INTS10: variants seen among roughly 807,000 people sequenced by gnomAD.
The protein encoded by INTS10 is integrator complex subunit 10, also known as chromosome 8 open reading frame 35.
INTS10 carries 44 observed loss-of-function variants against 94.4 expected under a neutral mutation model. That is an observed-to-expected ratio of 0.47 (90% CI 0.37 to 0.60). The LOEUF is 0.60. Among genes scored for constraint, INTS10 ranks in the 20% least tolerant of loss-of-function variants. The pLI is 0.00. For missense variants in INTS10, 797 were observed against 868.7 expected (o/e 0.92, Z 1.04); for synonymous variants, 341 against 320.7 (o/e 1.06, Z -0.68).
At position 19,817,712 on chromosome 8, in the gene INTS10, G is replaced by A; in HGVS notation, c.129+46G>A. 4 of 1,571,134 alleles carry A rather than the reference G, an allele frequency of 2.5e-6. No individual in the cohort carries two copies. The South Asian group carries it at 4.6e-5, about 18-fold the overall frequency. On this transcript the variant is annotated intron_variant, in intron 1 of 16. Coordinates refer to ENST00000397977, the MANE Select transcript of INTS10 (RefSeq NM_018142.4). ...GCGGCCGCTCTGCGTGGAGGTGCGC[G>A]CTCCCGTCGCCCGGGCTGCCCTGGC...
Position 19,831,970 on chromosome 8 carries a change from T to G in INTS10, c.1295-58T>G, listed in dbSNP as rs997157060. Reference sequence around the variant, plus strand: ...TTCTCTCTTACTGGATTTGTTAGTTTGTTTTCTGCTTCTTTGCTGCATATA... The same window carrying G: ...TTCTCTCTTACTGGATTTGTTAGTTGGTTTTCTGCTTCTTTGCTGCATATA... On this transcript the variant is annotated intron_variant, in intron 10 of 16. Transcript: ENST00000397977. 5.1e-6 allele frequency: 5 copies of G among 984,742 alleles called. No individual in the cohort carries two copies. In the African/African-American group the frequency reaches 6.4e-5, roughly 13 times the overall value. 61.0% of individuals were successfully genotyped at this position (984,742 alleles called of 1,614,324 possible).
rs1024517936 is a variant in INTS10, at chr8:19,825,733, G to A, written c.1007-693G>A. 8.5e-5 allele frequency among the ~76,000 whole-genome samples: 13 copies of A among 152,138 alleles called. No individual in the cohort carries two copies. In the East Asian group the frequency reaches 1.5e-3, roughly 18 times the overall value. ...AGTATAATACAGCGGTCGTTTTTAC[G>A]TATTGCCTTATAATATTACATATAT... On this transcript the variant is annotated intron_variant, in intron 8 of 16. Coordinates refer to ENST00000397977, the MANE Select transcript of INTS10 (RefSeq NM_018142.4).
intron 5 of INTS10, among the ~76,000 whole-genome samples, chr8:19,822,948 CAAAAA>C (rs150654357): frequency 8.4e-6 from 1 of 119,184 alleles, no homozygotes; most frequent in Non-Finnish European, 1.8e-5. Context: ...GACTCTGTCT[CAAAAA>C]AAAAAAAAGC....
chr8:19,834,287 AATC>A (rs2067478760), intron 12 of INTS10, among the ~76,000 whole-genome samples: 1 of 152,212 alleles, frequency 6.6e-6, no homozygotes, highest in South Asian at 2.1e-4. Context: ...TTGTGATTAA[AATC>A]CCTAAATGTT....
At chr8:19,845,115 T>C (rs569498842) in intron 15 of INTS10, among the ~76,000 whole-genome samples, 1 of 152,264 alleles carries the variant, frequency 6.6e-6, no homozygotes, top group East Asian at 1.9e-4. Flanking sequence ...GAGAATCTAA[T>C]GAAAGTTACA....
intron 4 of INTS10, chr8:19,821,761 G>C (rs542867812): frequency 3.9e-5 from 6 of 152,218 alleles, no homozygotes; most frequent in South Asian, 4.2e-4. Flanking sequence ...TATGAATTTG[G>C]GGGGGCACTG....
intron 13 of INTS10, chr8:19,841,724 A>C (rs1367093364): frequency 4.7e-6 from 2 of 430,010 alleles, no homozygotes; most frequent in African/African-American, 2.0e-5. Context: ...CCAACTTCCC[A>C]TGACCAAGTT....
intron 12 of INTS10, among the ~76,000 whole-genome samples, chr8:19,836,336 GTAGA>G (rs2128789485): frequency 6.6e-6 from 1 of 152,250 alleles, no homozygotes; most frequent in African/African-American, 2.4e-5. Context: ...GAGAATTTGA[GTAGA>G]TAGAGAGGGA....
At chr8:19,838,477 G>A (rs1200641663) in intron 13 of INTS10, among the ~76,000 whole-genome samples, 2 of 152,134 alleles carry the variant, frequency 1.3e-5, no homozygotes, top group Non-Finnish European at 2.9e-5. Context: ...AAGAATTCAG[G>A]TTCAAATGGC....
Position 19,817,678 on chromosome 8 carries a change from G to T in INTS10, c.129+12G>T. 1 of 1,600,164 alleles carries T rather than the reference G, an allele frequency of 6.2e-7. No homozygotes were observed. ...ACTTTAACATCCAGGTGAGGTCCCGGCTGTGCATGCGGCCGCTCTGCGTGG... is the reference window on the plus strand; with the variant it reads ...ACTTTAACATCCAGGTGAGGTCCCGTCTGTGCATGCGGCCGCTCTGCGTGG... On this transcript the variant is annotated intron_variant, in intron 1 of 16. Coordinates refer to ENST00000397977, the MANE Select transcript of INTS10 (RefSeq NM_018142.4).
chr8:19,832,323 G>A (rs375430213), intron 11 of INTS10, among the ~76,000 whole-genome samples: 38 of 152,182 alleles, frequency 2.5e-4, no homozygotes, highest in African/African-American at 8.7e-4. Flanking sequence ...TGTAATCCCA[G>A]CACTTTGGGA....
rs2068236244 is a variant in INTS10, at chr8:19,842,795, C to G, written c.1640-53C>G. ...CATCTTAAACAGTTGCCTTTCAAAGCTGTTATCTTTGATAATAACATACAT... is the reference window on the plus strand; with the variant it reads ...CATCTTAAACAGTTGCCTTTCAAAGGTGTTATCTTTGATAATAACATACAT... On this transcript the variant is annotated intron_variant, in intron 13 of 16. Transcript: ENST00000397977. 1.4e-5 allele frequency: 17 copies of G among 1,183,922 alleles called. No individual in the cohort carries two copies. In the South Asian group the frequency reaches 1.9e-4, roughly 13 times the overall value. The allele number at this position is 1,183,922 out of a possible 1,614,324, so 73.3% of individuals were successfully genotyped here. A position where few individuals can be genotyped will look rare whatever the true frequency, so the allele number is the denominator to read the frequency against.
chr8:19,835,795 A>G (rs914263806), intron 12 of INTS10, among the ~76,000 whole-genome samples: 6 of 152,232 alleles, frequency 3.9e-5, no homozygotes, highest in Non-Finnish European at 7.3e-5. Flanking sequence ...CTTTTGGGGC[A>G]GTCAGCCATG....
rs1563478632 is a variant in INTS10, at chr8:19,849,151, G to GT, written c.1977-2492dup. On this transcript the variant is annotated intron_variant, in intron 16 of 16. Transcript: ENST00000397977. The surrounding 1 kb of genome is among the most constrained non-coding windows in gnomAD (Gnocchi z 4.6). Reference sequence around the variant, plus strand: ...GGGTGTTTGAATGCTGCTGTTTGCTGTTTTTTAAAGGCCTTCTAGCCCTCC... The same window carrying GT: ...GGGTGTTTGAATGCTGCTGTTTGCTGTTTTTTTAAAGGCCTTCTAGCCCTCC... The GT allele has an allele frequency of 4.7e-6, 6 of 1,285,218 alleles. No individual in the cohort carries two copies. The highest frequency in any genetic ancestry group is 6.1e-6 in the Non-Finnish European group (6 of 984,768). The allele number at this position is 1,285,218 out of a possible 1,614,324, so 79.6% of individuals were successfully genotyped here.
Position 19,823,457 on chromosome 8 carries a change from C to G in INTS10, c.664+16C>G. On this transcript the variant is annotated intron_variant, in intron 6 of 16. Coordinates refer to ENST00000397977, the MANE Select transcript of INTS10 (RefSeq NM_018142.4). ...CAGCATCAAGGTAAGTAGGAATACC[C>G]TGTACTTTTACTTAAATAGGCTTTA... The G allele has an allele frequency of 6.4e-7, 1 of 1,551,892 alleles. No homozygotes were observed. The highest frequency in any genetic ancestry group is 8.9e-7 in the Non-Finnish European group (1 of 1,127,728).
At position 19,851,531 on chromosome 8, in the gene INTS10, A is replaced by T; in HGVS notation, c.1977-118A>T. 1.1e-6 allele frequency: 1 copy of T among 919,400 alleles called. No individual in the cohort carries two copies. The highest frequency in any genetic ancestry group is 1.7e-6 in the Non-Finnish European group (1 of 594,124). The allele number at this position is 919,400 out of a possible 1,614,324, so 57.0% of individuals were successfully genotyped here. A position where few individuals can be genotyped will look rare whatever the true frequency, so the allele number is the denominator to read the frequency against. On this transcript the variant is annotated intron_variant, in intron 16 of 16. Transcript: ENST00000397977. The surrounding 1 kb of genome is among the most constrained non-coding windows in gnomAD (Gnocchi z 5.0). ...TTGCAGCTATTCTTGTGTTCTTTTT[A>T]AAATATCTGAAATTATACTTAGATA...
At chr8:19,820,756 T>C (rs1563330853) in intron 4 of INTS10, among the ~76,000 whole-genome samples, 2 of 152,226 alleles carry the variant, frequency 1.3e-5, no homozygotes, top group South Asian at 4.1e-4. Flanking sequence ...GTACTGTTTA[T>C]TGCAATCCAT....
At position 19,817,743 on chromosome 8, in the gene INTS10, G is replaced by A. The variant is rs1391652895; in HGVS notation, c.129+77G>A. On this transcript the variant is annotated intron_variant, in intron 1 of 16. Transcript: ENST00000397977. ...GTCGCCCGGGCTGCCCTGGCCCAGA[G>A]CTGCGCCTGCCTGGGGGCTGCCGCC... The A allele has an allele frequency of 3.3e-6, 5 of 1,520,936 alleles. No individual in the cohort carries two copies. The African/African-American group carries it at 5.5e-5, about 17-fold the overall frequency. 94.2% of individuals were successfully genotyped at this position (1,520,936 alleles called of 1,614,324 possible). A position where few individuals can be genotyped will look rare whatever the true frequency, so the allele number is the denominator to read the frequency against.
chr8:19,845,052 C>A (rs1313230696), intron 15 of INTS10, among the ~76,000 whole-genome samples: 1 of 152,058 alleles, frequency 6.6e-6, no homozygotes, highest in African/African-American at 2.4e-5. Context: ...TGTGCACTAC[C>A]ATACCAGGCC....
Sources: allele counts gnomAD v4.1 joint callset (sites outside exome capture counted in the v4.1 genomes callset), GRCh38; gene constraint gnomAD v4.1.1; non-coding constraint Gnocchi (gnomAD v3.1); transcripts MANE v1.5; gene names NCBI Gene and HGNC (gene_info 2026-07-23, HGNC 2026-07-21).